MYO1B: variants seen among roughly 807,000 people sequenced by gnomAD.
The protein encoded by MYO1B is myosin IB.
MYO1B carries 72 observed loss-of-function variants against 159.7 expected under a neutral mutation model. The ratio of observed to expected loss-of-function variants is 0.45; its 90% confidence interval spans 0.37 to 0.55. The LOEUF (loss-of-function observed/expected upper bound fraction) is 0.55. Ranked by LOEUF, MYO1B falls within the 20% of genes least tolerant of loss-of-function variation. The probability of loss-of-function intolerance (pLI) is 0.00; values close to 1 mark genes in which losing one functional copy is unlikely to be tolerated. For missense variants in MYO1B, 1,062 were observed against 1,364.8 expected (o/e 0.78, Z 3.50); for synonymous variants, 468 against 473.8 (o/e 0.99, Z 0.16).
chr2:191,417,209 T>C (rs909400487), intron 30 of MYO1B, among the ~76,000 whole-genome samples: 1 of 152,240 alleles, frequency 6.6e-6, no homozygotes, highest in Non-Finnish European at 1.5e-5. Context: ...CTCTTTGATA[T>C]GTTAGGATTT....
chr2:191,377,452 T>C (rs1694779938), intron 13 of MYO1B: 1 of 152,066 alleles, frequency 6.6e-6, no homozygotes, highest in Non-Finnish European at 1.5e-5. Context: ...CTGGAGACTT[T>C]GATTCATGAG....
chr2:191,387,335 G>A lies in MYO1B; in HGVS notation c.1666G>A (p.Glu556Lys), dbSNP rs1210305610. ...SHALIKSLFPEGNPAKINLKR... is the reference protein window; with the variant it reads ...SHALIKSLFPKGNPAKINLKR... The stretch of plus-strand genomic sequence containing the variant: ...TGCCCTCATCAAGTCTTTGTTCCCC[G>A]AAGGGAATCCCGCCAAGATCAACCT... Residue 556 changes from glutamate to lysine, a missense_variant, in exon 17 of 31, where the codon GAA becomes AAA. Transcript: ENST00000392318. 5.0e-6 allele frequency: 8 copies of A among 1,613,956 alleles called. No individual in the cohort carries two copies. Among genetic ancestry groups the A allele is most frequent in the Admixed American group, 1.7e-5 (1 of 59,974 alleles).
intron 24 of MYO1B, among the ~76,000 whole-genome samples, chr2:191,404,310 A>G (rs978663716): frequency 6.6e-6 from 1 of 152,192 alleles, no homozygotes; most frequent in Admixed American, 6.5e-5. Context: ...TTTGGGAGAA[A>G]TAACCTGCCC....
At chr2:191,281,600 T>G (rs566820159) in intron 2 of MYO1B, among the ~76,000 whole-genome samples, 1 of 152,312 alleles carries the variant, frequency 6.6e-6, no homozygotes, top group South Asian at 2.1e-4. Flanking sequence ...GGATTTCATG[T>G]GGACTTTTAT....
At chr2:191,301,182 C>A (rs910597627) in intron 3 of MYO1B, among the ~76,000 whole-genome samples, 12 of 152,288 alleles carry the variant, frequency 7.9e-5, no homozygotes, top group African/African-American at 2.9e-4. Flanking sequence ...ATTTGCTTTT[C>A]TAGTTAGGTA....
chr2:191,280,304 CGT>C (rs1334179438), intron 2 of MYO1B, among the ~76,000 whole-genome samples: 1 of 152,144 alleles, frequency 6.6e-6, no homozygotes, highest in African/African-American at 2.4e-5. Flanking sequence ...TGCAAGTAGC[CGT>C]CACACCCACA....
At chr2:191,261,676 G>C (rs1475588928) in intron 1 of MYO1B, among the ~76,000 whole-genome samples, 1 of 152,304 alleles carries the variant, frequency 6.6e-6, no homozygotes, top group Non-Finnish European at 1.5e-5. Context: ...GACGTAGAGA[G>C]GGGTATGGGG....
rs371321877 is a variant in MYO1B at position 191,390,406 on chromosome 2, C to T, written c.1896C>T (p.Tyr632=). 29 of 1,614,228 alleles carry T rather than the reference C, an allele frequency of 1.8e-5. No homozygotes were observed. Among genetic ancestry groups the T allele is most frequent in the East Asian group, 8.9e-5 (4 of 44,888 alleles). Reference sequence around the variant, plus strand: ...ACGTCCGAGTGCGGAGGGCAGGCTACGCCTTCAGGCAGGCCTATGAACCTT... The same window carrying T: ...ACGTCCGAGTGCGGAGGGCAGGCTATGCCTTCAGGCAGGCCTATGAACCTT... The part of the protein sequence containing the change: ...LENVRVRRAG[Y]AFRQAYEPCL... The change falls in exon 18 of 31, where the codon TAC becomes TAT. Residue 632 remains tyrosine, a synonymous_variant. Coordinates refer to ENST00000392318, the MANE Select transcript of MYO1B (RefSeq NM_001130158.3).
At chr2:191,409,502 TGTA>T (rs1289396931) in intron 26 of MYO1B, among the ~76,000 whole-genome samples, 1 of 152,222 alleles carries the variant, frequency 6.6e-6, no homozygotes, top group Non-Finnish European at 1.5e-5. Flanking sequence ...AAAGGAATAC[TGTA>T]GGACAGAGAA....
In MYO1B at chr2:191,315,008, A is replaced by G. The variant is rs537881295; in HGVS notation, c.252-14927A>G. 5.3e-5 allele frequency among the ~76,000 whole-genome samples: 8 copies of G among 152,308 alleles called. No individual in the cohort carries two copies. In the South Asian group the frequency reaches 1.2e-3, roughly 24 times the overall value. ...CTGTTTGCATACTGAAGATTTTTCT[A>G]GATTTGGTAAGAGTTGCAAATGTTA... On this transcript the variant is annotated intron_variant, in intron 3 of 30. Transcript: ENST00000392318.
chr2:191,351,523 T>G (rs1692924979), intron 7 of MYO1B, among the ~76,000 whole-genome samples: 1 of 152,236 alleles, frequency 6.6e-6, no homozygotes, highest in African/African-American at 2.4e-5. Flanking sequence ...TTCTCATCTT[T>G]AAAATGATAG....
At chr2:191,278,074 A>G (rs767793650) in intron 2 of MYO1B, among the ~76,000 whole-genome samples, 9 of 152,246 alleles carry the variant, frequency 5.9e-5, no homozygotes, top group African/African-American at 9.6e-5. Flanking sequence ...TCTCTTTTCT[A>G]GATAGCCAAC....
intron 1 of MYO1B, among the ~76,000 whole-genome samples, chr2:191,258,094 A>G (rs948625076): frequency 6.6e-6 from 1 of 152,210 alleles, no homozygotes; most frequent in Non-Finnish European, 1.5e-5. Context: ...CATTCTGTGA[A>G]GTGTGTCATC....
At chr2:191,372,879 C>CTTTTTTTTTTTTTT (rs34444520) in intron 13 of MYO1B, among the ~76,000 whole-genome samples, 1 of 70,146 alleles carries the variant, frequency 1.4e-5, no homozygotes, top group African/African-American at 5.9e-5. Context: ...GTTATATTTC[C>CTTTTTTTTTTTTTT]TTTTTTTTTT....
At chr2:191,343,239 GGAA>G (rs1692338181) in intron 5 of MYO1B, among the ~76,000 whole-genome samples, 1 of 152,214 alleles carries the variant, frequency 6.6e-6, no homozygotes, top group African/African-American at 2.4e-5. Flanking sequence ...GTAAAGTCAT[GGAA>G]GGATGAGATT....
chr2:191,408,499 C>A (rs1697065943), intron 25 of MYO1B, among the ~76,000 whole-genome samples: 1 of 152,112 alleles, frequency 6.6e-6, no homozygotes, highest in Non-Finnish European at 1.5e-5. Flanking sequence ...TGTGAAACTG[C>A]CATGAGCTGT....
intron 7 of MYO1B, among the ~76,000 whole-genome samples, chr2:191,351,281 T>TA (rs1158196678): frequency 9.2e-5 from 14 of 152,236 alleles, no homozygotes; most frequent in African/African-American, 3.4e-4. Context: ...AAGGAAATGT[T>TA]ATGCTGAACC....
At chr2:191,388,782 T>C (rs764908255) in intron 17 of MYO1B, among the ~76,000 whole-genome samples, 113 of 152,132 alleles carry the variant, frequency 7.4e-4, no homozygotes, top group Middle Eastern at 3.2e-3. Context: ...AAGTGAACAG[T>C]TCAATTTTTT....
intron 17 of MYO1B, 58 bp downstream of exon 17, chr2:191,387,508 T>C (rs537751926): frequency 6.8e-7 from 1 of 1,471,732 alleles, no homozygotes; most frequent in East Asian, 2.3e-5. Context: ...CGAAGGAATA[T>C]CATTTTTCCC....
Sources: gnomAD v4.1 joint callset for allele counts (sites outside exome capture counted in the v4.1 genomes callset) on GRCh38, gnomAD v4.1.1 for gene constraint, MANE v1.5 for transcripts, NCBI Gene and HGNC (gene_info 2026-07-23, HGNC 2026-07-21) for gene names.